Variants in DCLK1 observed in about 807,000 individuals in gnomAD.
DCLK1 encodes the protein doublecortin like kinase 1.
DCLK1 carries 16 observed loss-of-function variants against 86.2 expected under a neutral mutation model. That is an observed-to-expected ratio of 0.19 (90% CI 0.13 to 0.28). The LOEUF (loss-of-function observed/expected upper bound fraction) is 0.28. DCLK1 is among the 10% of genes least tolerant of loss of function. The pLI, the probability that DCLK1 is intolerant of heterozygous loss-of-function variation, is 1.00. For missense variants in DCLK1, 590 were observed against 940.2 expected, an observed-to-expected ratio of 0.63 and a Z score of 4.87; for synonymous variants, 369 against 370.5, an observed-to-expected ratio of 1.00 and a Z score of 0.05.
In DCLK1 at chr13:35,914,367, A is replaced by G. The variant is rs1484983161; in HGVS notation, c.823+32991T>C. Among the ~76,000 whole-genome samples the G allele has an allele frequency of 2.2e-3, 24 of 10,886 alleles. 1 individual carries two copies. Among genetic ancestry groups the G allele is most frequent in the African/African-American group, 5.1e-3 (23 of 4,474 alleles). 7.1% of individuals were successfully genotyped at this position (10,886 alleles called of 152,430 possible). On this transcript the variant is annotated intron_variant, in intron 4 of 16. Transcript: ENST00000360631. ...TATATATACATATATATATATATATATGTATATATATATATATATATATAA... is the reference window on the plus strand; with the variant it reads ...TATATATACATATATATATATATATGTGTATATATATATATATATATATAA...
Position 36,111,908 on chromosome 13 carries a change from C to G in DCLK1, c.684G>C (p.Ser228=). 1 of 1,614,116 alleles carries G rather than the reference C, an allele frequency of 6.2e-7. No homozygotes were observed. The highest frequency in any genetic ancestry group is 8.5e-7 in the Non-Finnish European group (1 of 1,179,994). The change falls in exon 3 of 17, where the codon TCG becomes TCC. Residue 228 remains serine (S), a synonymous_variant. Coordinates refer to ENST00000360631, the MANE Select transcript of DCLK1 (RefSeq NM_001330071.2). ...ACGTGTACAGGCGTTTCACCACTCCCGAGTCCAGCTTGATGGCATCGGTGA... is the reference window on the plus strand; with the variant it reads ...ACGTGTACAGGCGTTTCACCACTCCGGAGTCCAGCTTGATGGCATCGGTGA... ...TDITDAIKLD[S]GVVKRLYTLD...
chr13:35,821,466 T>A (rs1413617711), intron 11 of DCLK1, among the ~76,000 whole-genome samples: 1 of 152,092 alleles, frequency 6.6e-6, no homozygotes, highest in Non-Finnish European at 1.5e-5. Flanking sequence ...ATTTGCATTT[T>A]TAACAGGCAT....
At chr13:36,075,248 T>C (rs764727608) in intron 3 of DCLK1, among the ~76,000 whole-genome samples, 1 of 152,252 alleles carries the variant, frequency 6.6e-6, no homozygotes, top group Non-Finnish European at 1.5e-5. Context: ...AGGATAATTC[T>C]ATTGACTCTG....
At chr13:35,920,030 G>A (rs1484288857) in intron 4 of DCLK1, among the ~76,000 whole-genome samples, 1 of 152,040 alleles carries the variant, frequency 6.6e-6, no homozygotes, top group African/African-American at 2.4e-5. Context: ...TTATGCCACT[G>A]CCAGATTAAT....
At chr13:36,048,734 G>C (rs2153156746) in intron 3 of DCLK1, among the ~76,000 whole-genome samples, 1 of 152,296 alleles carries the variant, frequency 6.6e-6, no homozygotes, top group Admixed American at 6.5e-5. Context: ...GTGCTCCTGG[G>C]AAAGTCAGCT....
At chr13:35,936,555 C>T (rs935039893) in intron 4 of DCLK1, among the ~76,000 whole-genome samples, 2 of 152,216 alleles carry the variant, frequency 1.3e-5, no homozygotes, top group African/African-American at 2.4e-5. Context: ...AGGGGCGATG[C>T]TCCCCTTCAC....
At chr13:35,826,480 G>T (rs1358623288) in intron 10 of DCLK1, among the ~76,000 whole-genome samples, 2 of 139,694 alleles carry the variant, frequency 1.4e-5, no homozygotes. Context: ...CCGAGATCGT[G>T]CCATTGCATT....
chr13:35,925,975 A>G (rs959817628), intron 4 of DCLK1, among the ~76,000 whole-genome samples: 1 of 152,216 alleles, frequency 6.6e-6, no homozygotes, highest in Non-Finnish European at 1.5e-5. Context: ...TGTATACAAA[A>G]CTAGGTGTCC....
At chr13:35,963,658 G>A (rs75004795) in intron 3 of DCLK1, among the ~76,000 whole-genome samples, 328 of 152,298 alleles carry the variant, frequency 2.2e-3, no homozygotes, top group African/African-American at 7.2e-3. Context: ...ATCTTCAGGT[G>A]TTTAGGAAAG....
intron 7 of DCLK1, 73 bp downstream of exon 7, chr13:35,839,019 G>T: frequency 2.2e-6 from 3 of 1,387,104 alleles, no homozygotes; most frequent in Non-Finnish European, 3.0e-6. Flanking sequence ...CGCTTGAGAA[G>T]CCACAGTTTC....
chr13:35,958,998 A>G (rs1054695502), intron 3 of DCLK1, among the ~76,000 whole-genome samples: 2 of 152,168 alleles, frequency 1.3e-5, no homozygotes, highest in Non-Finnish European at 1.5e-5. Flanking sequence ...TGGCAATAGT[A>G]AGATAAAAAA....
intron 4 of DCLK1, among the ~76,000 whole-genome samples, chr13:35,911,398 G>T (rs1214753027): frequency 1.3e-5 from 2 of 152,080 alleles, no homozygotes; most frequent in African/African-American, 2.4e-5. Flanking sequence ...CCTCTCCAGG[G>T]ATATTTGTCT....
At chr13:35,981,542 T>C (rs1879640035) in intron 3 of DCLK1, among the ~76,000 whole-genome samples, 1 of 152,148 alleles carries the variant, frequency 6.6e-6, no homozygotes, top group African/African-American at 2.4e-5. Flanking sequence ...TGTTGCACAT[T>C]CTATGAACAA....
intron 2 of DCLK1, among the ~76,000 whole-genome samples, chr13:36,115,066 T>A (rs1345895478): frequency 6.6e-6 from 1 of 152,182 alleles, no homozygotes; most frequent in Non-Finnish European, 1.5e-5. Context: ...CTTGGGGGGC[T>A]GAGGTGGGAG....
intron 3 of DCLK1, among the ~76,000 whole-genome samples, chr13:35,989,886 T>C (rs1244668527): frequency 6.6e-6 from 1 of 152,106 alleles, no homozygotes; most frequent in Non-Finnish European, 1.5e-5. Context: ...TCTTCACATT[T>C]TTCACCTTAG....
At chr13:36,007,418 A>G (rs1881026706) in intron 3 of DCLK1, among the ~76,000 whole-genome samples, 1 of 152,230 alleles carries the variant, frequency 6.6e-6, no homozygotes, top group African/African-American at 2.4e-5. Flanking sequence ...TACAGTCTTG[A>G]ATTTGCAAAA....
intron 15 of DCLK1, among the ~76,000 whole-genome samples, chr13:35,801,526 C>G (rs1400741305): frequency 6.7e-6 from 1 of 149,970 alleles, no homozygotes; most frequent in African/African-American, 2.5e-5. Context: ...AGTTTTCGAT[C>G]TCCTAGATGA....
chr13:35,982,750 G>A (rs1372718264), intron 3 of DCLK1, among the ~76,000 whole-genome samples: 1 of 151,834 alleles, frequency 6.6e-6, no homozygotes, highest in Non-Finnish European at 1.5e-5. Context: ...CCATTGATTA[G>A]TGTGAATTGC....
intron 4 of DCLK1, among the ~76,000 whole-genome samples, chr13:35,883,053 C>T (rs543106003): frequency 1.3e-5 from 2 of 151,880 alleles, no homozygotes; most frequent in Admixed American, 1.3e-4. Context: ...AGAAGTCAGC[C>T]GTGGATACAC....
Sources: gnomAD v4.1 joint callset for allele counts (sites outside exome capture counted in the v4.1 genomes callset) on GRCh38, gnomAD v4.1.1 for gene constraint, MANE v1.5 for transcripts, NCBI Gene and HGNC (gene_info 2026-07-23, HGNC 2026-07-21) for gene names.